Variants in LINGO2 observed in about 807,000 individuals in gnomAD.
LINGO2 encodes leucine-rich repeat and immunoglobulin-like domain-containing nogo receptor-interacting protein 2.
A neutral mutation model predicts 30.6 loss-of-function variants in LINGO2; 14 were observed. That is an observed-to-expected ratio of 0.46 (90% CI 0.30 to 0.72). LINGO2 has a LOEUF of 0.72. Among genes scored for constraint, LINGO2 ranks in the 30% least tolerant of loss-of-function variants. The pLI, the probability that LINGO2 is intolerant of heterozygous loss-of-function variation, is 0.07. For synonymous variants in LINGO2, 317 were observed against 288.5 expected (o/e 1.10, Z -1.00); for missense variants, 729 against 751.7 (o/e 0.97, Z 0.35).
chr9:28,884,770 G>GTA, the LINGO2 span, among the ~76,000 whole-genome samples: 3 of 140,200 alleles, frequency 2.1e-5, no homozygotes, highest in South Asian at 2.2e-4. Flanking sequence ...TATAGTGTGT[G>GTA]TATATATATA....
intron 3 of LINGO2, among the ~76,000 whole-genome samples, chr9:28,348,442 G>A (rs533872238): frequency 1.3e-5 from 2 of 152,286 alleles, no homozygotes; most frequent in East Asian, 3.9e-4. Context: ...TTTTCTGACA[G>A]GCTTAAAAAA....
chr9:28,891,781 T>TGAGGTCACAATAAAGAAAATGGTC, the LINGO2 span, among the ~76,000 whole-genome samples: 6,162 of 151,914 alleles, frequency 0.041, 194 homozygotes, highest in Admixed American at 0.081. Flanking sequence ...ATGCAATTTA[T>TGAGGTCACAATAAAGAAAATGGTC]GAGGTCACAA....
At chr9:28,721,888 T>C in the LINGO2 span, among the ~76,000 whole-genome samples, 1,142 of 152,184 alleles carry the variant, frequency 7.5e-3, 12 homozygotes, top group African/African-American at 0.026. Flanking sequence ...GGGCTCTTGT[T>C]AAAATAGCCA....
At chr9:29,207,025 G>A in the LINGO2 span, among the ~76,000 whole-genome samples, 1 of 151,872 alleles carries the variant, frequency 6.6e-6, no homozygotes, top group Admixed American at 6.6e-5. Context: ...ATGTGTGTGT[G>A]TGTGTGTATG....
the LINGO2 span, among the ~76,000 whole-genome samples, chr9:29,031,052 T>C: frequency 2.2e-4 from 33 of 152,112 alleles, no homozygotes; most frequent in Non-Finnish European, 4.6e-4. Context: ...AAGTAACAAA[T>C]CATTTATTGA....
chr9:28,987,763 T>C, the LINGO2 span, among the ~76,000 whole-genome samples: 2 of 152,162 alleles, frequency 1.3e-5, no homozygotes, highest in African/African-American at 4.8e-5. Flanking sequence ...TCTAAAGATA[T>C]TTTAAAATGC....
At chr9:28,044,582 G>C (rs762581779) in intron 4 of LINGO2, among the ~76,000 whole-genome samples, 2 of 152,006 alleles carry the variant, frequency 1.3e-5, no homozygotes, top group Non-Finnish European at 2.9e-5. Flanking sequence ...TTTTTGTTTG[G>C]TTTGATTTTT....
chr9:27,956,700 C>G (rs1819587137), intron 5 of LINGO2, among the ~76,000 whole-genome samples: 1 of 152,124 alleles, frequency 6.6e-6, no homozygotes. Context: ...GTCCGTGACC[C>G]ATTTTGAATT....
At chr9:28,449,378 T>C (rs1304387855) in intron 2 of LINGO2, among the ~76,000 whole-genome samples, 1 of 152,056 alleles carries the variant, frequency 6.6e-6, no homozygotes, top group African/African-American at 2.4e-5. Flanking sequence ...CAGAAGTGCA[T>C]TTCTTTTTTT....
the LINGO2 span, among the ~76,000 whole-genome samples, chr9:28,838,283 C>A: frequency 6.6e-6 from 1 of 152,076 alleles, no homozygotes; most frequent in Non-Finnish European, 1.5e-5. Context: ...AAAATTTAAA[C>A]CAGTGCCATT....
exon 6 of LINGO2, chr9:27,949,119 A>G: frequency 6.2e-7 from 1 of 1,614,214 alleles, no homozygotes. Context: ...GGAGTCGGTC[A>G]TGTACATAGG....
At chr9:29,157,833 A>G in the LINGO2 span, among the ~76,000 whole-genome samples, 2 of 152,114 alleles carry the variant, frequency 1.3e-5, no homozygotes, top group South Asian at 2.1e-4. Flanking sequence ...TTGACTCCTC[A>G]TGAAACATTA....
chr9:28,876,678 C>T, the LINGO2 span, among the ~76,000 whole-genome samples: 1 of 152,112 alleles, frequency 6.6e-6, no homozygotes, highest in Non-Finnish European at 1.5e-5. Flanking sequence ...GGTTCCAAGT[C>T]TTTGCTATTG....
chr9:29,007,982 T>C, the LINGO2 span, among the ~76,000 whole-genome samples: 1 of 152,120 alleles, frequency 6.6e-6, no homozygotes, highest in Non-Finnish European at 1.5e-5. Flanking sequence ...AACATGCAGG[T>C]TTGTTACATA....
chr9:29,054,706 A>G, the LINGO2 span, among the ~76,000 whole-genome samples: 1 of 152,196 alleles, frequency 6.6e-6, no homozygotes, highest in African/African-American at 2.4e-5. Flanking sequence ...ATTTAAATGT[A>G]ACAAAGGCAT....
At chr9:28,093,777 G>A (rs970934790) in intron 4 of LINGO2, among the ~76,000 whole-genome samples, 1 of 151,908 alleles carries the variant, frequency 6.6e-6, no homozygotes, top group East Asian at 1.9e-4. Flanking sequence ...ACTGAGCCAC[G>A]AGAAAGCAAG....
chr9:27,965,847 C>CCT (rs2118665089), intron 5 of LINGO2, among the ~76,000 whole-genome samples: 1 of 152,088 alleles, frequency 6.6e-6, no homozygotes, highest in Admixed American at 6.6e-5. Context: ...GCTTAAGATG[C>CCT]CTGCTGGCCT....
At chr9:28,940,449 CT>C in the LINGO2 span, among the ~76,000 whole-genome samples, 1 of 134,856 alleles carries the variant, frequency 7.4e-6, no homozygotes, top group Non-Finnish European at 1.6e-5. Flanking sequence ...TAAATGAGAG[CT>C]GTCCATGCAC....
chr9:28,237,125 G>T (rs111446185), intron 4 of LINGO2, among the ~76,000 whole-genome samples: 9,974 of 137,114 alleles, frequency 0.073, 527 homozygotes, highest in South Asian at 0.18. Context: ...TGCGGGGGGG[G>T]GGTAAAGTTA....
Sources: gnomAD v4.1 joint callset for allele counts (sites outside exome capture counted in the v4.1 genomes callset) on GRCh38, gnomAD v4.1.1 for gene constraint, MANE v1.5 for transcripts, NCBI Gene and HGNC (gene_info 2026-07-23, HGNC 2026-07-21) for gene names.